The following COLEC11 variants were observed in gnomAD, a reference collection of about 807,000 sequenced individuals.
The protein encoded by COLEC11 is collectin subfamily member 11.
A neutral mutation model predicts 27.3 loss-of-function variants in COLEC11; 20 were observed. That is an observed-to-expected ratio of 0.73 (90% confidence interval 0.51 to 1.06). The LOEUF is 1.06. Ranked by LOEUF, COLEC11 falls within the 50% of genes least tolerant of loss-of-function variation. COLEC11 has a pLI of 0.00. For missense variants in COLEC11, 310 were observed against 383.0 expected (o/e 0.81, Z 1.59); for synonymous variants, 163 against 154.7 (o/e 1.05, Z -0.40).
chr2:3,631,767 C>G (rs1272137427), intron 3 of COLEC11, among the ~76,000 whole-genome samples: 1 of 151,620 alleles, frequency 6.6e-6, no homozygotes, highest in African/African-American at 2.4e-5. Flanking sequence ...TCGGAGGGCT[C>G]TGCCTGCTGC....
chr2:3,609,347 CTTTGATTTTTTT>C (rs1662997962), intron 2 of COLEC11, among the ~76,000 whole-genome samples: 1 of 71,018 alleles, frequency 1.4e-5, no homozygotes, highest in Non-Finnish European at 2.7e-5. Context: ...AACTATTTTT[CTTTGATTTTTTT>C]TTTTTTTTTT....
chr2:3,643,872 C>T lies in COLEC11; in HGVS notation c.570C>T (p.Ala190=), dbSNP rs1017265813. 29 of 1,613,676 alleles carry T rather than the reference C, an allele frequency of 1.8e-5. No individual in the cohort carries two copies. Among genetic ancestry groups the T allele is most frequent in the Non-Finnish European group, 2.3e-5 (27 of 1,180,030 alleles). Residue 190 remains alanine, a synonymous_variant, in exon 7 of 7, where the codon GCC becomes GCT. Transcript: ENST00000349077. ...ACGAGGCTGCCAATGGCCTGATGGC[C>T]GCATACCTGGCGCAAGCCGGCCTGG... The part of the protein sequence containing the change: ...PKDEAANGLM[A]AYLAQAGLAR...
intron 3 of COLEC11, among the ~76,000 whole-genome samples, chr2:3,625,829 C>T (rs576091725): frequency 1.3e-5 from 2 of 152,164 alleles, no homozygotes; most frequent in African/African-American, 4.8e-5. Flanking sequence ...GACGGGGTTT[C>T]ACCACATTGG....
chr2:3,634,881 C>A (rs12465002), intron 3 of COLEC11, among the ~76,000 whole-genome samples: 75,961 of 150,492 alleles, frequency 0.5, 21,034 homozygotes, highest in South Asian at 0.68. Context: ...GGTCCCGGCC[C>A]TGCCCATGTC....
rs556395223 is a variant in COLEC11 at position 3,620,020 on chromosome 2, T to C, written c.202+6638T>C. ...GTTCATCAGGGATATTGGCCTGTAA[T>C]CTTTTTTTCTTGTATTGTTCTTGTC... On this transcript the variant is annotated intron_variant, in intron 3 of 6. Coordinates refer to ENST00000349077, the MANE Select transcript of COLEC11 (RefSeq NM_024027.5). Among the ~76,000 whole-genome samples the C allele has an allele frequency of 1.9e-4, 29 of 152,364 alleles. No homozygotes were observed. The South Asian group carries it at 6.0e-3, about 32-fold the overall frequency.
At chr2:3,618,006 A>G (rs1456569909) in intron 3 of COLEC11, among the ~76,000 whole-genome samples, 5 of 152,158 alleles carry the variant, frequency 3.3e-5, no homozygotes, top group Non-Finnish European at 7.4e-5. Context: ...AAAAATATCT[A>G]TTCAGATTCT....
chr2:3,637,567 G>A lies in COLEC11; in HGVS notation c.237G>A (p.Val79=). The change falls in exon 4 of 7, where the codon GTG becomes GTA. Residue 79 remains valine, a synonymous_variant. Coordinates refer to ENST00000349077, the MANE Select transcript of COLEC11 (RefSeq NM_024027.5). Reference sequence around the variant, plus strand: ...GGGACAAAGGACAGAAAGGCAGTGTGGGTCGTCATGGAAAAATTGGTCCCA... The same window carrying A: ...GGGACAAAGGACAGAAAGGCAGTGTAGGTCGTCATGGAAAAATTGGTCCCA... ...DMGDKGQKGS[V]GRHGKIGPIG... 2 of 1,614,122 alleles carry A rather than the reference G, an allele frequency of 1.2e-6. No homozygotes were observed. The highest frequency in any genetic ancestry group is 1.7e-6 in the Non-Finnish European group (2 of 1,179,994).
chr2:3,609,532 G>A (rs1350762438), intron 2 of COLEC11, among the ~76,000 whole-genome samples: 3 of 78,152 alleles, frequency 3.8e-5, no homozygotes, highest in Non-Finnish European at 8.6e-5. Flanking sequence ...AACACATCCT[G>A]CTATTTTTTT....
rs561954477 is a variant in COLEC11 at position 3,617,853 on chromosome 2, T to C, written c.202+4471T>C. 6.2e-5 allele frequency: 38 copies of C among 613,132 alleles called. No individual in the cohort carries two copies. The East Asian group carries it at 1.0e-3, about 17-fold the overall frequency. 38.0% of individuals were successfully genotyped at this position (613,132 alleles called of 1,614,324 possible). ...CTTTCTCCACATCTTCTCCAATGCTTAATCTCTTTTGACTTTTTGATACCA... is the reference window on the plus strand; with the variant it reads ...CTTTCTCCACATCTTCTCCAATGCTCAATCTCTTTTGACTTTTTGATACCA... On this transcript the variant is annotated intron_variant, in intron 3 of 6. Transcript: ENST00000349077.
rs147681851 is a variant in COLEC11, at chr2:3,632,489, C to T, written c.203-5044C>T. On this transcript the variant is annotated intron_variant, in intron 3 of 6. Coordinates refer to ENST00000349077, the MANE Select transcript of COLEC11 (RefSeq NM_024027.5). ...GGCGGTGTCTTCCTGCTGCGTCTCA[C>T]GCGGCCTTTCCTCCATGCATGCACA... 5.4e-3 allele frequency among the ~76,000 whole-genome samples: 830 copies of T among 152,298 alleles called. 7 individuals are homozygous for T. The highest frequency in any genetic ancestry group is 0.019 in the African/African-American group (789 of 41,554).
Position 3,643,949 on chromosome 2 carries a change from A to C in COLEC11, c.647A>C (p.Tyr216Ser), listed in dbSNP as rs763874875. 1 of 1,614,062 alleles carries C rather than the reference A, an allele frequency of 6.2e-7. No homozygotes were observed. The highest frequency in any genetic ancestry group is 1.1e-5 in the South Asian group (1 of 91,086). Reference protein sequence around the residue: ...NDLEKEGAFVYSDHSPMRTFN... With the variant: ...NDLEKEGAFVSSDHSPMRTFN... Reference sequence around the variant, plus strand: ...CTGGAGAAGGAGGGCGCCTTCGTGTACTCTGACCACTCCCCCATGCGGACC... The same window carrying C: ...CTGGAGAAGGAGGGCGCCTTCGTGTCCTCTGACCACTCCCCCATGCGGACC... Residue 216 changes from tyrosine (Y) to serine (S), a missense_variant, in exon 7 of 7, where the codon TAC becomes TCC. Coordinates refer to ENST00000349077, the MANE Select transcript of COLEC11 (RefSeq NM_024027.5).
At chr2:3,614,234 A>C (rs1402197276) in intron 3 of COLEC11, among the ~76,000 whole-genome samples, 1 of 151,966 alleles carries the variant, frequency 6.6e-6, no homozygotes, top group Admixed American at 6.6e-5. Context: ...TTTCCAAGTC[A>C]TTAAAGATTG....
chr2:3,621,340 G>A (rs1664173510), intron 3 of COLEC11, among the ~76,000 whole-genome samples: 1 of 152,168 alleles, frequency 6.6e-6, no homozygotes. Context: ...AATAAATATA[G>A]CTACGCCTAT....
chr2:3,620,245 C>A (rs1213964657), intron 3 of COLEC11, among the ~76,000 whole-genome samples: 2 of 151,700 alleles, frequency 1.3e-5, no homozygotes, highest in South Asian at 2.1e-4. Flanking sequence ...CATTACAGAT[C>A]TGTTCAAATT....
intron 1 of COLEC11, among the ~76,000 whole-genome samples, chr2:3,597,901 CATT>C: frequency 6.6e-6 from 1 of 152,138 alleles, no homozygotes; most frequent in East Asian, 1.9e-4. Context: ...CTTGTTTTGA[CATT>C]ATTTTTGTAT....
chr2:3,620,815 T>C (rs1664130234), intron 3 of COLEC11, among the ~76,000 whole-genome samples: 1 of 141,258 alleles, frequency 7.1e-6, no homozygotes, highest in African/African-American at 3.2e-5. Flanking sequence ...GAATGTGTTG[T>C]TTAATTTTCT....
Position 3,643,540 on chromosome 2 carries a change from G to A in COLEC11, c.424+1G>A. The A allele has an allele frequency of 1.2e-6, 2 of 1,613,300 alleles. No individual in the cohort carries two copies. The highest frequency in any genetic ancestry group is 1.7e-6 in the Non-Finnish European group (2 of 1,179,458). ...AGCGAGCTCAAGTTCATCAAGAATGGTATGTGGCTCCCGGCGCCGCCCTCG... is the reference window on the plus strand; with the variant it reads ...AGCGAGCTCAAGTTCATCAAGAATGATATGTGGCTCCCGGCGCCGCCCTCG... On this transcript the variant is annotated splice_donor_variant, in intron 6 of 6. Coordinates refer to ENST00000349077, the MANE Select transcript of COLEC11 (RefSeq NM_024027.5). LOFTEE classifies it high-confidence loss of function.
At chr2:3,617,478 A>G (rs1312918708) in intron 3 of COLEC11, 6 of 1,370,556 alleles carry the variant, frequency 4.4e-6, no homozygotes, top group Non-Finnish European at 6.3e-6. Context: ...AAAGCTAAAC[A>G]GCTAAAAGAA....
intron 2 of COLEC11, among the ~76,000 whole-genome samples, chr2:3,609,132 C>G (rs184274307): frequency 1.3e-5 from 2 of 152,202 alleles, no homozygotes; most frequent in Non-Finnish European, 2.9e-5. Context: ...AAGCAGAGCC[C>G]TTGGGAGATG....
Sources: gnomAD v4.1 joint callset for allele counts (sites outside exome capture counted in the v4.1 genomes callset) on GRCh38, gnomAD v4.1.1 for gene constraint, MANE v1.5 for transcripts, NCBI Gene and HGNC (gene_info 2026-07-23, HGNC 2026-07-21) for gene names.